The following ESCO1 variants were observed in gnomAD, a reference collection of about 807,000 sequenced individuals.
ESCO1 encodes the protein N-acetyltransferase ESCO1.
In ESCO1, 33 loss-of-function variants were observed where a neutral mutation model predicts 83.5. The observed-to-expected ratio is 0.40, with a 90% CI of 0.30 to 0.53. ESCO1 has a LOEUF of 0.53. Among genes scored for constraint, ESCO1 ranks in the 20% least tolerant of loss-of-function variants. The pLI is 0.63. For missense variants in ESCO1, 855 were observed against 968.0 expected (o/e 0.88, Z 1.55); for synonymous variants, 332 against 324.3 (o/e 1.02, Z -0.25).
In ESCO1 at chr18:21,575,205, C is replaced by CT; in HGVS notation, c.-363dup. ...ATTAATTTTGGTTTCAGGCCTAGCT[C>CT]TATTACTGGAGGAGTTATTTATCAG... On this transcript the variant is annotated 5_prime_UTR_variant, in exon 4 of 12. Transcript: ENST00000269214. 2.6e-6 allele frequency: 1 copy of CT among 383,260 alleles called. No homozygotes were observed. Among genetic ancestry groups the CT allele is most frequent in the East Asian group, 3.7e-5 (1 of 27,154 alleles). 23.7% of individuals were successfully genotyped at this position (383,260 alleles called of 1,614,324 possible). A position where few individuals can be genotyped will look rare whatever the true frequency, so the allele number is the denominator to read the frequency against.
intron 8 of ESCO1, among the ~76,000 whole-genome samples, chr18:21,553,262 C>T (rs1307090907): frequency 6.6e-6 from 1 of 152,186 alleles, no homozygotes. Context: ...TGCACTCCAG[C>T]CTGAGTGACA....
chr18:21,561,095 C>T (rs940995742), intron 7 of ESCO1, 105 bp from the exon 8 acceptor site: 3 of 1,098,958 alleles, frequency 2.7e-6, no homozygotes, highest in African/African-American at 3.2e-5. Context: ...ATTGTTTAAT[C>T]TACATGAATA....
intron 10 of ESCO1, among the ~76,000 whole-genome samples, chr18:21,533,341 G>C (rs2037791687): frequency 6.6e-6 from 1 of 152,094 alleles, no homozygotes; most frequent in East Asian, 1.9e-4. Flanking sequence ...TGTCGCCCAG[G>C]CTGGAGTACA....
intron 8 of ESCO1, among the ~76,000 whole-genome samples, chr18:21,551,259 A>C (rs1032945802): frequency 6.6e-6 from 1 of 152,138 alleles, no homozygotes; most frequent in African/African-American, 2.4e-5. Flanking sequence ...TCACGAGGTC[A>C]GGAGATCGAT....
intron 8 of ESCO1, among the ~76,000 whole-genome samples, chr18:21,552,908 T>C (rs140506336): frequency 1.3e-5 from 2 of 152,326 alleles, no homozygotes; most frequent in African/African-American, 2.4e-5. Flanking sequence ...GGTATGGCAA[T>C]GACATTTTAA....
chr18:21,535,894 ATGG>A (rs1283202032), intron 10 of ESCO1, 145 bp downstream of exon 10: 19 of 909,154 alleles, frequency 2.1e-5, no homozygotes, highest in Middle Eastern at 3.6e-4. Flanking sequence ...TTATTCCACT[ATGG>A]TGAAGACTCA....
intron 1 of ESCO1, among the ~76,000 whole-genome samples, chr18:21,595,080 C>T (rs987420465): frequency 3.3e-5 from 5 of 151,746 alleles, no homozygotes; most frequent in African/African-American, 1.2e-4. Context: ...CTCCTGGGTT[C>T]AAGCGATCCA....
At chr18:21,572,677 C>A (rs7229621) in intron 4 of ESCO1, among the ~76,000 whole-genome samples, 219 of 152,102 alleles carry the variant, frequency 1.4e-3, no homozygotes, top group African/African-American at 5.0e-3. Flanking sequence ...AAAAGTAGTC[C>A]CTAAAGGCCA....
intron 2 of ESCO1, among the ~76,000 whole-genome samples, chr18:21,578,365 G>T (rs990499064): frequency 6.6e-6 from 1 of 152,028 alleles, no homozygotes; most frequent in Admixed American, 6.6e-5. Context: ...AAGACAAGGA[G>T]CTCTCCTATA....
chr18:21,573,243 A>G (rs1449437844), intron 4 of ESCO1, 71 bp downstream of exon 4: 1 of 1,382,718 alleles, frequency 7.2e-7, no homozygotes, highest in Non-Finnish European at 9.8e-7. Flanking sequence ...TTCTTATGCT[A>G]AAATGTTATA....
chr18:21,554,156 G>A (rs146980695), intron 8 of ESCO1, among the ~76,000 whole-genome samples: 20 of 152,254 alleles, frequency 1.3e-4, no homozygotes, highest in Non-Finnish European at 2.4e-4. Flanking sequence ...TGCTGGTGAG[G>A]ACATGAAGCA....
Position 21,574,017 on chromosome 18 carries a change from AGTGTTGTGTTAGTATTCACTT to A in ESCO1, c.806_826del (p.Gln269_Thr275del). The A allele has an allele frequency of 6.2e-7, 1 of 1,613,136 alleles. No homozygotes were observed. The highest frequency in any genetic ancestry group is 8.5e-7 in the Non-Finnish European group (1 of 1,179,952). ...CACTGATGGCTGTGGACTTTTTGGG[AGTGTTGTGTTAGTATTCACTT>A]GTGTATGAACCGACTTCTTCATCTC... On this transcript the variant is annotated inframe_deletion, in exon 4 of 12. Transcript: ENST00000269214.
Position 21,530,496 on chromosome 18 carries a change from A to C in ESCO1, c.2376-6T>G. The C allele has an allele frequency of 1.7e-6, 2 of 1,208,672 alleles. No homozygotes were observed. The highest frequency in any genetic ancestry group is 1.4e-5 in the South Asian group (1 of 72,324). The allele number at this position is 1,208,672 out of a possible 1,614,324, so 74.9% of individuals were successfully genotyped here. Reference sequence around the variant, plus strand: ...AGCCATATATAAAGTTACTCCTATTAAAAAAAAATGGGGGGGGGGAAGGGT... The same window carrying C: ...AGCCATATATAAAGTTACTCCTATTCAAAAAAAATGGGGGGGGGGAAGGGT... On this transcript the variant is annotated splice_region_variant and splice_polypyrimidine_tract_variant and intron_variant, in intron 11 of 11. Transcript: ENST00000269214.
At chr18:21,531,427 T>A (rs2146162545) in intron 11 of ESCO1, among the ~76,000 whole-genome samples, 1 of 151,386 alleles carries the variant, frequency 6.6e-6, no homozygotes, top group East Asian at 2.0e-4. Context: ...CAAAGTGAGA[T>A]GCTGTCTCCA....
At chr18:21,584,253 G>T (rs893316617) in intron 2 of ESCO1, 57 bp downstream of exon 2, 2 of 151,792 alleles carry the variant, frequency 1.3e-5, no homozygotes, top group African/African-American at 4.8e-5. Flanking sequence ...AAATATATTT[G>T]GTACACTGAT....
intron 1 of ESCO1, among the ~76,000 whole-genome samples, chr18:21,599,339 T>A (rs912951106): frequency 1.3e-5 from 2 of 152,182 alleles, no homozygotes; most frequent in African/African-American, 4.8e-5. Flanking sequence ...CGAGACCCCG[T>A]CTCAAAATAA....
chr18:21,533,201 A>G (rs1231592043), intron 10 of ESCO1, among the ~76,000 whole-genome samples: 4 of 152,308 alleles, frequency 2.6e-5, no homozygotes, highest in South Asian at 2.1e-4. Flanking sequence ...TAAAAAACAT[A>G]TATCTCTTTT....
Position 21,575,190 on chromosome 18 carries a change from G to T in ESCO1, c.-347C>A. On this transcript the variant is annotated 5_prime_UTR_variant, in exon 4 of 12. Coordinates refer to ENST00000269214, the MANE Select transcript of ESCO1 (RefSeq NM_052911.3). Reference sequence around the variant, plus strand: ...TTTGTTAATTTTTTAATTAATTTTGGTTTCAGGCCTAGCTCTATTACTGGA... The same window carrying T: ...TTTGTTAATTTTTTAATTAATTTTGTTTTCAGGCCTAGCTCTATTACTGGA... 1 of 380,810 alleles carries T rather than the reference G, an allele frequency of 2.6e-6. No homozygotes were observed. Among genetic ancestry groups the T allele is most frequent in the Non-Finnish European group, 4.6e-6 (1 of 216,266 alleles). 23.6% of individuals were successfully genotyped at this position (380,810 alleles called of 1,614,324 possible). A position where few individuals can be genotyped will look rare whatever the true frequency, so the allele number is the denominator to read the frequency against.
At chr18:21,592,048 GAA>G (rs1168094865) in intron 1 of ESCO1, among the ~76,000 whole-genome samples, 1 of 151,850 alleles carries the variant, frequency 6.6e-6, no homozygotes, top group Non-Finnish European at 1.5e-5. Flanking sequence ...AGAACAAAAT[GAA>G]AAGTCTCCCA....
Sources: allele counts gnomAD v4.1 joint callset (sites outside exome capture counted in the v4.1 genomes callset), GRCh38; gene constraint gnomAD v4.1.1; transcripts MANE v1.5; gene names NCBI Gene and HGNC (gene_info 2026-07-23, HGNC 2026-07-21).